LRP1B: variants seen among roughly 807,000 people sequenced by gnomAD.
The protein encoded by LRP1B is low-density lipoprotein receptor-related protein 1B.
In LRP1B, 217 loss-of-function variants were observed where a neutral mutation model predicts 556.6. The ratio of observed to expected loss-of-function variants is 0.39; its 90% CI spans 0.35 to 0.44. LRP1B has a LOEUF of 0.44. Among genes scored for constraint, LRP1B ranks in the 20% least tolerant of loss-of-function variants. The pLI is 1.00. For missense variants in LRP1B, 5,053 were observed against 5,620.8 expected (o/e 0.90, Z 3.23); for synonymous variants, 2,047 against 1,865.8 (o/e 1.10, Z -2.50).
chr2:141,005,701 T>C (rs1000790401), intron 14 of LRP1B, among the ~76,000 whole-genome samples: 3 of 152,000 alleles, frequency 2.0e-5, no homozygotes, highest in African/African-American at 7.2e-5. Context: ...AGTTAGGTTC[T>C]AGGTGAGAGA....
chr2:141,978,943 T>C (rs1701967483), intron 1 of LRP1B, among the ~76,000 whole-genome samples: 1 of 151,874 alleles, frequency 6.6e-6, no homozygotes, highest in South Asian at 2.1e-4. Context: ...TTTTTTTTTC[T>C]GATAAGAAAA....
intron 84 of LRP1B, among the ~76,000 whole-genome samples, chr2:140,276,448 T>C (rs1682676658): frequency 6.6e-6 from 1 of 151,912 alleles, no homozygotes; most frequent in Non-Finnish European, 1.5e-5. Flanking sequence ...TTTAACATAG[T>C]GTTAGTAGCC....
At chr2:141,753,270 A>G (rs1199937225) in intron 2 of LRP1B, among the ~76,000 whole-genome samples, 1 of 126,830 alleles carries the variant, frequency 7.9e-6, no homozygotes, top group African/African-American at 3.0e-5. Flanking sequence ...CTCCATATAT[A>G]TATATATATA....
chr2:141,120,105 G>C (rs1701008948), intron 7 of LRP1B, among the ~76,000 whole-genome samples: 1 of 151,860 alleles, frequency 6.6e-6, no homozygotes, highest in Admixed American at 6.6e-5. Context: ...AGAGGTTCTA[G>C]GAGGAAGAGC....
chr2:141,553,809 C>T (rs1300581007), intron 2 of LRP1B, among the ~76,000 whole-genome samples: 1 of 130,568 alleles, frequency 7.7e-6, no homozygotes, highest in Non-Finnish European at 1.6e-5. Context: ...TATTATAGAT[C>T]TATATTAATA....
chr2:141,592,946 A>C (rs1052091937), intron 2 of LRP1B, among the ~76,000 whole-genome samples: 4 of 152,174 alleles, frequency 2.6e-5, no homozygotes, highest in African/African-American at 7.2e-5. Flanking sequence ...AATCCTAGTA[A>C]TAGAGTCTCC....
At chr2:141,417,980 T>C (rs1679979013) in intron 3 of LRP1B, among the ~76,000 whole-genome samples, 2 of 152,172 alleles carry the variant, frequency 1.3e-5, no homozygotes, top group Admixed American at 6.5e-5. Context: ...TGATGATGAA[T>C]GATATTGTAC....
intron 20 of LRP1B, among the ~76,000 whole-genome samples, chr2:140,924,969 A>G (rs1485245734): frequency 1.3e-5 from 2 of 152,252 alleles, no homozygotes; most frequent in East Asian, 1.9e-4. Flanking sequence ...TTTAGAAAAT[A>G]TCTGGAAAAA....
At chr2:141,513,728 AAAAAT>A (rs57494681) in intron 2 of LRP1B, among the ~76,000 whole-genome samples, 138,377 of 150,818 alleles carry the variant, frequency 0.92, 64,049 homozygotes, top group Non-Finnish European at 0.98. Context: ...TCTTGTGCTT[AAAAAT>A]AAAATAAAAT....
chr2:141,958,821 A>C (rs1370333876), intron 1 of LRP1B, among the ~76,000 whole-genome samples: 1 of 151,972 alleles, frequency 6.6e-6, no homozygotes, highest in Non-Finnish European at 1.5e-5. Context: ...TGTAAGGAAA[A>C]CCCTGCTTTT....
At chr2:141,673,815 G>A (rs553176753) in intron 2 of LRP1B, among the ~76,000 whole-genome samples, 5 of 151,896 alleles carry the variant, frequency 3.3e-5, no homozygotes, top group Non-Finnish European at 7.4e-5. Flanking sequence ...TACCTAAATT[G>A]TCCACTGCAA....
At chr2:141,553,472 T>A (rs923271944) in intron 2 of LRP1B, among the ~76,000 whole-genome samples, 9 of 151,432 alleles carry the variant, frequency 5.9e-5, no homozygotes, top group African/African-American at 2.2e-4. Flanking sequence ...CTGGACAAAT[T>A]ATCCCAAATT....
intron 1 of LRP1B, among the ~76,000 whole-genome samples, chr2:141,999,626 A>C (rs1480949731): frequency 6.6e-6 from 1 of 152,066 alleles, no homozygotes; most frequent in African/African-American, 2.4e-5. Context: ...TTTCTATTTA[A>C]TTTCATTACT....
chr2:140,823,954 G>A (rs898307624), intron 31 of LRP1B, among the ~76,000 whole-genome samples: 7 of 151,950 alleles, frequency 4.6e-5, no homozygotes, highest in African/African-American at 1.7e-4. Context: ...GGTGGGAAGA[G>A]GGTAGGAGAG....
chr2:141,508,086 C>CCCT (rs1553523442), intron 2 of LRP1B, among the ~76,000 whole-genome samples: 2 of 30,250 alleles, frequency 6.6e-5, no homozygotes, highest in Non-Finnish European at 1.5e-4. Context: ...ACTCCATCCC[C>CCCT]CCCCCAAAAA....
chr2:141,963,796 G>A (rs1197774131), intron 1 of LRP1B, among the ~76,000 whole-genome samples: 1 of 146,676 alleles, frequency 6.8e-6, no homozygotes, highest in Admixed American at 6.9e-5. Context: ...AAAAGAGGAA[G>A]TCAAATTGTC....
intron 7 of LRP1B, among the ~76,000 whole-genome samples, chr2:141,101,006 G>C (rs976106240): frequency 2.6e-5 from 4 of 152,080 alleles, no homozygotes; most frequent in African/African-American, 9.7e-5. Flanking sequence ...AGAGGGGGTA[G>C]ACAAAAGCCT....
Position 141,219,782 on chromosome 2 carries a change from G to T in LRP1B, c.850+9401C>A, listed in dbSNP as rs558483164. Among the ~76,000 whole-genome samples the T allele has an allele frequency of 5.3e-4, 80 of 152,254 alleles. No homozygotes were observed. The Middle Eastern group carries it at 0.017, about 32-fold the overall frequency. On this transcript the variant is annotated intron_variant, in intron 6 of 90. Coordinates refer to ENST00000389484, the MANE Select transcript of LRP1B (RefSeq NM_018557.3). ...GCCTCCACTGGTGATACCTCTAGTTGCAGGAGGGACCCAGGTGAATTGGGT... is the reference window on the plus strand; with the variant it reads ...GCCTCCACTGGTGATACCTCTAGTTTCAGGAGGGACCCAGGTGAATTGGGT...
At chr2:140,733,913 A>C (rs1345313287) in intron 35 of LRP1B, among the ~76,000 whole-genome samples, 2 of 152,212 alleles carry the variant, frequency 1.3e-5, no homozygotes, top group Admixed American at 6.5e-5. Flanking sequence ...CAAATCACCT[A>C]TGGTAAATTT....
Sources: gnomAD v4.1 joint callset for allele counts (sites outside exome capture counted in the v4.1 genomes callset) on GRCh38, gnomAD v4.1.1 for gene constraint, MANE v1.5 for transcripts, NCBI Gene and HGNC (gene_info 2026-07-23, HGNC 2026-07-21) for gene names.